NOL10: variants seen among roughly 807,000 people sequenced by gnomAD.
NOL10 encodes H_NH0074G24.1.
NOL10 carries 58 observed loss-of-function variants against 103.5 expected under a neutral mutation model. The ratio of observed to expected loss-of-function variants is 0.56; its 90% confidence interval spans 0.45 to 0.70. The LOEUF (loss-of-function observed/expected upper bound fraction) is 0.70, where lower values mean the gene tolerates loss of function less well. Ranked by LOEUF, NOL10 falls within the 30% of genes least tolerant of loss-of-function variation. NOL10 has a pLI of 0.00. For synonymous variants in NOL10, 287 were observed against 282.5 expected, an observed-to-expected ratio of 1.02 and a Z score of -0.16; for missense variants, 763 against 807.3, an observed-to-expected ratio of 0.95 and a Z score of 0.67.
chr2:10,672,341 A>G (rs1363703814), intron 5 of NOL10, among the ~76,000 whole-genome samples: 1 of 152,138 alleles, frequency 6.6e-6, no homozygotes, highest in East Asian at 1.9e-4. Flanking sequence ...AAAATAAAAA[A>G]CAAAAAATAA....
At chr2:10,686,525 G>A (rs1682220753) in intron 1 of NOL10, among the ~76,000 whole-genome samples, 1 of 152,180 alleles carries the variant, frequency 6.6e-6, no homozygotes, top group Admixed American at 6.6e-5. Flanking sequence ...ACAGTTCTGA[G>A]TAGAGGATCA....
chr2:10,603,533 G>A (rs1572271132), intron 14 of NOL10, among the ~76,000 whole-genome samples: 1 of 152,118 alleles, frequency 6.6e-6, no homozygotes, highest in Admixed American at 6.5e-5. Flanking sequence ...GGAGAGAGGA[G>A]AAACATTGTC....
chr2:10,598,374 G>A (rs985808962), intron 17 of NOL10, among the ~76,000 whole-genome samples: 10 of 152,132 alleles, frequency 6.6e-5, no homozygotes, highest in African/African-American at 2.4e-4. Context: ...ATAATTTACA[G>A]AGAACTAATC....
rs775608041 is a variant in NOL10, at chr2:10,607,301, G to C, written c.1037C>G (p.Pro346Arg). The C allele has an allele frequency of 1.7e-5, 27 of 1,602,228 alleles. No homozygotes were observed. In the East Asian group the frequency reaches 3.4e-4, roughly 20 times the overall value. ...TAAGAAGGAACACCACCGAGGAGCA[G>C]GACCCAAAACCTGTTGGTGTTTATG... ...MGIYYIPVLG[P>R]APRWCSFLDN... Residue 346 changes from proline to arginine, a missense_variant, in exon 14 of 21, where the codon CCT becomes CGT. Coordinates refer to ENST00000381685, the MANE Select transcript of NOL10 (RefSeq NM_024894.4).
In NOL10 at chr2:10,668,683, G is replaced by T; in HGVS notation, c.505C>A (p.Leu169Met). ...YRLNLEQGRY[L>M]NPLQTDAAEN... ...GCAGCATCAGTTTGTAGAGGATTCA[G>T]GTATCGTCCTTGTTCTAAGTTTAAC... The change falls in exon 7 of 21, where the codon CTG (leucine) becomes ATG (methionine). Residue 169 changes from leucine (L) to methionine (M), a missense_variant. Leu to Met is a conservative substitution (Grantham distance 15). Coordinates refer to ENST00000381685, the MANE Select transcript of NOL10 (RefSeq NM_024894.4). 6.5e-7 allele frequency: 1 copy of T among 1,546,434 alleles called. No homozygotes were observed. Among genetic ancestry groups the T allele is most frequent in the Non-Finnish European group, 8.8e-7 (1 of 1,135,674 alleles).
At chr2:10,575,954 G>A (rs1674429992) in intron 20 of NOL10, among the ~76,000 whole-genome samples, 1 of 152,222 alleles carries the variant, frequency 6.6e-6, no homozygotes, top group South Asian at 2.1e-4. Context: ...TCAGCAGACA[G>A]AATTAACTGA....
chr2:10,671,097 T>C (rs1680905570), intron 6 of NOL10, among the ~76,000 whole-genome samples: 1 of 152,198 alleles, frequency 6.6e-6, no homozygotes, highest in African/African-American at 2.4e-5. Context: ...TATGACCTAT[T>C]AATCACAAAG....
chr2:10,580,768 A>C (rs1424887228), intron 19 of NOL10, among the ~76,000 whole-genome samples: 4 of 152,120 alleles, frequency 2.6e-5, no homozygotes, highest in African/African-American at 9.7e-5. Flanking sequence ...ATTAAAACTC[A>C]ATGCTCCTCA....
intron 6 of NOL10, among the ~76,000 whole-genome samples, chr2:10,670,997 C>A (rs1357612572): frequency 6.6e-6 from 1 of 152,078 alleles, no homozygotes; most frequent in Non-Finnish European, 1.5e-5. Flanking sequence ...TCATTTCATG[C>A]AAATCAAATT....
intron 5 of NOL10, among the ~76,000 whole-genome samples, chr2:10,672,983 G>C (rs1361455932): frequency 6.6e-6 from 1 of 151,952 alleles, no homozygotes; most frequent in Non-Finnish European, 1.5e-5. Flanking sequence ...GACAGAGCAA[G>C]GCCCTGTCTC....
chr2:10,658,654 C>G (rs953402919), intron 10 of NOL10, among the ~76,000 whole-genome samples: 1 of 152,114 alleles, frequency 6.6e-6, no homozygotes, highest in African/African-American at 2.4e-5. Context: ...TTCCTGAGAG[C>G]CTTCATTAAA....
intron 18 of NOL10, 130 bp from the exon 19 acceptor site, chr2:10,589,420 G>T: frequency 1.5e-6 from 2 of 1,324,700 alleles, no homozygotes; most frequent in Non-Finnish European, 2.0e-6. Context: ...CAGGAGAAAT[G>T]CCTTTAAATA....
At chr2:10,621,955 G>T in intron 13 of NOL10, 1 of 419,664 alleles carries the variant, frequency 2.4e-6, no homozygotes, top group Non-Finnish European at 4.9e-6. Context: ...CACCTGTGGC[G>T]ATTTAAGTTA....
Position 10,679,215 on chromosome 2 carries a change from C to T in NOL10, c.211+2756G>A, listed in dbSNP as rs138904055. Among the ~76,000 whole-genome samples the T allele has an allele frequency of 5.2e-4, 79 of 151,970 alleles. 2 individuals carry two copies. The East Asian group carries it at 0.014, about 26-fold the overall frequency. ...TCTCTACTAAAAATACAAAATTAGCCGGGCGTGGTGGTGCATGCCTGTAAT... is the reference window on the plus strand; with the variant it reads ...TCTCTACTAAAAATACAAAATTAGCTGGGCGTGGTGGTGCATGCCTGTAAT... On this transcript the variant is annotated intron_variant, in intron 3 of 20. Coordinates refer to ENST00000381685, the MANE Select transcript of NOL10 (RefSeq NM_024894.4).
chr2:10,680,635 G>A (rs943730208), intron 3 of NOL10, among the ~76,000 whole-genome samples: 1 of 152,090 alleles, frequency 6.6e-6, no homozygotes, highest in Non-Finnish European at 1.5e-5. Context: ...ACCAGTTTCT[G>A]AACATAAAAC....
intron 13 of NOL10, among the ~76,000 whole-genome samples, chr2:10,613,183 T>C (rs1279320222): frequency 6.6e-6 from 1 of 152,188 alleles, no homozygotes; most frequent in Non-Finnish European, 1.5e-5. Flanking sequence ...TCCATATTTA[T>C]TATGTTCCAA....
At chr2:10,620,537 T>C (rs536187689) in intron 13 of NOL10, among the ~76,000 whole-genome samples, 1 of 151,964 alleles carries the variant, frequency 6.6e-6, no homozygotes, top group Admixed American at 6.5e-5. Context: ...TCCCATATGT[T>C]CCCCCAAATA....
chr2:10,658,566 C>T (rs1037297167), intron 10 of NOL10, among the ~76,000 whole-genome samples: 2 of 151,150 alleles, frequency 1.3e-5, no homozygotes, highest in Non-Finnish European at 2.9e-5. Context: ...GTTAATGATG[C>T]TATATTAAAA....
intron 1 of NOL10, among the ~76,000 whole-genome samples, chr2:10,684,930 G>A (rs969087714): frequency 6.6e-6 from 1 of 152,132 alleles, no homozygotes; most frequent in Admixed American, 6.5e-5. Context: ...AAACTCCTGG[G>A]CTCAAACAAT....
Sources: allele counts gnomAD v4.1 joint callset (sites outside exome capture counted in the v4.1 genomes callset), GRCh38; gene constraint gnomAD v4.1.1; transcripts MANE v1.5; gene names NCBI Gene and HGNC (gene_info 2026-07-23, HGNC 2026-07-21).